Variants in GABRB3 observed in about 807,000 individuals in gnomAD.
The protein encoded by GABRB3 is gamma-aminobutyric acid type A receptor subunit beta3.
In GABRB3, 14 loss-of-function variants were observed where a neutral mutation model predicts 52.1. The observed-to-expected ratio is 0.27, with a 90% CI of 0.18 to 0.42. The LOEUF is 0.42. Among genes scored for constraint, GABRB3 ranks in the 10% least tolerant of loss-of-function variants. The probability of loss-of-function intolerance (pLI) is 1.00; values close to 1 mark genes in which losing one functional copy is unlikely to be tolerated. For missense variants in GABRB3, 307 were observed against 609.1 expected, an observed-to-expected ratio of 0.50 and a Z score of 5.22; for synonymous variants, 260 against 232.3, an observed-to-expected ratio of 1.12 and a Z score of -1.08.
intron 4 of GABRB3, among the ~76,000 whole-genome samples, chr15:26,587,938 C>T (rs1255265814): frequency 1.3e-5 from 2 of 152,156 alleles, no homozygotes; most frequent in African/African-American, 2.4e-5. Flanking sequence ...GCTCAGCAAT[C>T]GGAATCCAAT....
At chr15:26,660,558 C>T (rs762318117) in intron 3 of GABRB3, among the ~76,000 whole-genome samples, 6 of 152,148 alleles carry the variant, frequency 3.9e-5, no homozygotes, top group African/African-American at 9.7e-5. Context: ...CCAAATCTGG[C>T]GAAAGTCCAG....
At position 26,625,016 on chromosome 15, in the gene GABRB3, A is replaced by G. The variant is rs940020579; in HGVS notation, c.241-3482T>C. The G allele has an allele frequency of 1.5e-5, 14 of 965,344 alleles. No individual in the cohort carries two copies. The East Asian group carries it at 4.6e-4, about 32-fold the overall frequency. 59.8% of individuals were successfully genotyped at this position (965,344 alleles called of 1,614,324 possible). A position where few individuals can be genotyped will look rare whatever the true frequency, so the allele number is the denominator to read the frequency against. On this transcript the variant is annotated intron_variant, in intron 3 of 8. Transcript: ENST00000311550. The stretch of plus-strand genomic sequence containing the variant: ...AGGCAGGTATTATAATTATTATCCT[A>G]TATCGATGAAGTAACAAAAATTGAA...
At chr15:26,606,273 A>G (rs1891789863) in intron 4 of GABRB3, among the ~76,000 whole-genome samples, 1 of 152,168 alleles carries the variant, frequency 6.6e-6, no homozygotes, top group African/African-American at 2.4e-5. Context: ...TGAATTGTAC[A>G]TTTAAACATG....
At chr15:26,598,281 G>A (rs1566766282) in intron 4 of GABRB3, among the ~76,000 whole-genome samples, 1 of 151,938 alleles carries the variant, frequency 6.6e-6, no homozygotes, top group Non-Finnish European at 1.5e-5. Context: ...TTAACCAAGA[G>A]CAAAGCGAAA....
At chr15:26,682,312 C>G (rs1232257675) in intron 3 of GABRB3, among the ~76,000 whole-genome samples, 1 of 152,166 alleles carries the variant, frequency 6.6e-6, no homozygotes, top group East Asian at 1.9e-4. Context: ...TGCAACTGGC[C>G]CTTTTTACTG....
At chr15:26,680,108 G>A (rs1397816801) in intron 3 of GABRB3, among the ~76,000 whole-genome samples, 1 of 152,176 alleles carries the variant, frequency 6.6e-6, no homozygotes, top group Non-Finnish European at 1.5e-5. Flanking sequence ...CCTCCACGAT[G>A]AAGGTGGGCC....
chr15:26,600,980 G>A (rs895366222), intron 4 of GABRB3, among the ~76,000 whole-genome samples: 2 of 152,052 alleles, frequency 1.3e-5, no homozygotes, highest in Middle Eastern at 3.2e-3. Flanking sequence ...AGCATAAAAT[G>A]TGTGTGGGGG....
chr15:26,554,190 A>ATAAAGTGTGTATATATAT (rs1567097853), intron 8 of GABRB3, among the ~76,000 whole-genome samples: 28 of 31,538 alleles, frequency 8.9e-4, no homozygotes, highest in African/African-American at 2.4e-3. Context: ...ATATATATAT[A>ATAAAGTGTGTATATATAT]CTATATATAT....
At chr15:26,687,706 G>A (rs12101643) in intron 3 of GABRB3, among the ~76,000 whole-genome samples, 3,644 of 152,278 alleles carry the variant, frequency 0.024, 141 homozygotes, top group African/African-American at 0.083. Context: ...GCAAAATGGG[G>A]CAGGTCTTGC....
At chr15:26,766,245 C>G (rs1230702677) in intron 3 of GABRB3, among the ~76,000 whole-genome samples, 1 of 152,140 alleles carries the variant, frequency 6.6e-6, no homozygotes, top group Admixed American at 6.5e-5. Context: ...ATGCATAAGA[C>G]ACAGACCCCT....
At chr15:26,588,228 T>C (rs1431292049) in intron 4 of GABRB3, among the ~76,000 whole-genome samples, 1 of 152,138 alleles carries the variant, frequency 6.6e-6, no homozygotes, top group Non-Finnish European at 1.5e-5. Flanking sequence ...GACTGAGGAC[T>C]AGAGAACTGG....
rs79331680 is a variant in GABRB3 at position 26,697,754 on chromosome 15, C to T, written c.240+74648G>A. On this transcript the variant is annotated intron_variant, in intron 3 of 8. Coordinates refer to ENST00000311550, the MANE Select transcript of GABRB3 (RefSeq NM_000814.6). ...CCTCCAATCCAAACATTTTTGAGGT[C>T]ACTGAGCTGGTAAATCCTGCAAGCC... Among the ~76,000 whole-genome samples the T allele has an allele frequency of 1.1e-3, 168 of 152,224 alleles. 5 individuals carry two copies. The East Asian group carries it at 0.026, about 23-fold the overall frequency.
intron 4 of GABRB3, among the ~76,000 whole-genome samples, chr15:26,607,409 A>G (rs1296217647): frequency 6.6e-6 from 1 of 152,086 alleles, no homozygotes; most frequent in Non-Finnish European, 1.5e-5. Flanking sequence ...ATCTCTACAA[A>G]AAGTCTTTTT....
At chr15:26,652,615 G>A (rs72704028) in intron 3 of GABRB3, among the ~76,000 whole-genome samples, 470 of 151,980 alleles carry the variant, frequency 3.1e-3, no homozygotes, top group South Asian at 8.3e-3. Flanking sequence ...TATAAATAGA[G>A]GCCATAAACA....
intron 3 of GABRB3, among the ~76,000 whole-genome samples, chr15:26,639,983 G>A (rs188142262): frequency 8.6e-4 from 131 of 152,248 alleles, no homozygotes; most frequent in Non-Finnish European, 1.2e-3. Flanking sequence ...GCCATATTTT[G>A]GTTTGAAAGT....
At chr15:26,560,375 T>G (rs1338363555) in intron 8 of GABRB3, among the ~76,000 whole-genome samples, 3 of 152,206 alleles carry the variant, frequency 2.0e-5, no homozygotes, top group Non-Finnish European at 4.4e-5. Flanking sequence ...CAGCTCCATG[T>G]TGACCCTCTC....
At chr15:26,606,910 TG>T (rs1430991936) in intron 4 of GABRB3, among the ~76,000 whole-genome samples, 14 of 151,246 alleles carry the variant, frequency 9.3e-5, no homozygotes, top group African/African-American at 3.2e-4. Flanking sequence ...TCCTTCTGGA[TG>T]AACTGTAACC....
At chr15:26,629,035 T>G in intron 3 of GABRB3, 1 of 1,536,118 alleles carries the variant, frequency 6.5e-7, no homozygotes, top group Non-Finnish European at 8.7e-7. Context: ...GGTATCCCGG[T>G]GCTGAGGTCC....
At chr15:26,697,559 G>A (rs1888780789) in intron 3 of GABRB3, among the ~76,000 whole-genome samples, 1 of 152,092 alleles carries the variant, frequency 6.6e-6, no homozygotes, top group Non-Finnish European at 1.5e-5. Context: ...CAGGACCTCA[G>A]ATAATGCAGG....
Sources: gnomAD v4.1 joint callset for allele counts (sites outside exome capture counted in the v4.1 genomes callset) on GRCh38, gnomAD v4.1.1 for gene constraint, MANE v1.5 for transcripts, NCBI Gene and HGNC (gene_info 2026-07-23, HGNC 2026-07-21) for gene names.